Variants in CDYL2 observed in about 807,000 individuals in gnomAD.
The protein encoded by CDYL2 is chromodomain Y-like protein 2.
In CDYL2, 23 loss-of-function variants were observed where a neutral mutation model predicts 49.4. The ratio of observed to expected loss-of-function variants is 0.47; its 90% CI spans 0.34 to 0.66. The LOEUF is 0.66. CDYL2 is among the 30% of genes least tolerant of loss of function. The pLI is 0.01. For missense variants in CDYL2, 678 were observed against 656.4 expected (o/e 1.03, Z -0.36); for synonymous variants, 360 against 268.8 (o/e 1.34, Z -3.32).
chr16:80,746,551 C>T (rs1203502348), intron 1 of CDYL2, among the ~76,000 whole-genome samples: 1 of 152,122 alleles, frequency 6.6e-6, no homozygotes, highest in Non-Finnish European at 1.5e-5. Context: ...GAAAAGTAAC[C>T]CCAAGAATGT....
intron 4 of CDYL2, among the ~76,000 whole-genome samples, chr16:80,619,622 G>C (rs1226046812): frequency 6.6e-6 from 1 of 152,218 alleles, no homozygotes; most frequent in Non-Finnish European, 1.5e-5. Context: ...AGAGGGCATA[G>C]CTGGGACCAC....
At position 80,638,896 on chromosome 16, in the gene CDYL2, A is replaced by AG. The variant is rs201861983; in HGVS notation, c.617-5661dup. Among the ~76,000 whole-genome samples the AG allele has an allele frequency of 1.0e-3, 159 of 152,272 alleles. 1 individual carries two copies. The East Asian group carries it at 0.029, about 28-fold the overall frequency. Reference sequence around the variant, plus strand: ...TAAAGCTCCTAGAGGATAGTACAGGAGAAACCCTAGGGAACTTGGGTTTGC... The same window carrying AG: ...TAAAGCTCCTAGAGGATAGTACAGGAGGAAACCCTAGGGAACTTGGGTTTGC... On this transcript the variant is annotated intron_variant, in intron 2 of 6. Transcript: ENST00000570137.
intron 2 of CDYL2, among the ~76,000 whole-genome samples, chr16:80,652,883 A>G (rs1475872988): frequency 6.6e-6 from 1 of 152,188 alleles, no homozygotes; most frequent in Non-Finnish European, 1.5e-5. Flanking sequence ...TACGACCATA[A>G]AAAGAAGGAA....
At chr16:80,745,261 T>C (rs1035833545) in intron 1 of CDYL2, among the ~76,000 whole-genome samples, 3 of 152,116 alleles carry the variant, frequency 2.0e-5, no homozygotes, top group Admixed American at 6.5e-5. Context: ...CCATGTGCTG[T>C]CCATGACACC....
At chr16:80,734,036 C>G (rs1381697162) in intron 1 of CDYL2, among the ~76,000 whole-genome samples, 2 of 152,238 alleles carry the variant, frequency 1.3e-5, no homozygotes, top group South Asian at 4.1e-4. Context: ...ATTAAGGTAA[C>G]AGATTAGAAA....
chr16:80,724,487 A>T (rs1444030679), intron 1 of CDYL2, among the ~76,000 whole-genome samples: 1 of 152,128 alleles, frequency 6.6e-6, no homozygotes, highest in African/African-American at 2.4e-5. Flanking sequence ...CAGCATGAAG[A>T]TCCTGACTCC....
At chr16:80,765,757 TG>T (rs1327613205) in intron 1 of CDYL2, among the ~76,000 whole-genome samples, 1 of 97,950 alleles carries the variant, frequency 1.0e-5, no homozygotes, top group Non-Finnish European at 2.1e-5. Flanking sequence ...AAAAAGGGAA[TG>T]GGGGCTGTGG....
At chr16:80,710,408 G>A (rs898084199) in intron 1 of CDYL2, among the ~76,000 whole-genome samples, 10 of 152,054 alleles carry the variant, frequency 6.6e-5, no homozygotes, top group African/African-American at 2.4e-5. Context: ...CAAGTAATTC[G>A]ACAGAATTTA....
intron 2 of CDYL2, chr16:80,671,010 C>A (rs937833147): frequency 2.2e-6 from 1 of 455,890 alleles, no homozygotes; most frequent in African/African-American, 2.0e-5. Flanking sequence ...TTCTCCTCTT[C>A]TAACCAGTCT....
intron 1 of CDYL2, among the ~76,000 whole-genome samples, chr16:80,705,140 T>C (rs547955919): frequency 6.6e-6 from 1 of 152,346 alleles, no homozygotes; most frequent in East Asian, 1.9e-4. Flanking sequence ...CAGATCCGAA[T>C]GCCCACCAGG....
intron 2 of CDYL2, among the ~76,000 whole-genome samples, chr16:80,643,764 C>T (rs571570918): frequency 6.6e-6 from 1 of 152,340 alleles, no homozygotes; most frequent in East Asian, 1.9e-4. Flanking sequence ...GGACACAGGG[C>T]ACCAAGTCCC....
chr16:80,617,369 T>C (rs959716262), intron 4 of CDYL2, among the ~76,000 whole-genome samples: 3 of 152,284 alleles, frequency 2.0e-5, no homozygotes, highest in Admixed American at 1.3e-4. Flanking sequence ...CCCTGCTAGA[T>C]TTTGAAGGAA....
At chr16:80,779,263 A>T (rs1388145598) in intron 1 of CDYL2, among the ~76,000 whole-genome samples, 1 of 152,128 alleles carries the variant, frequency 6.6e-6, no homozygotes, top group Non-Finnish European at 1.5e-5. Flanking sequence ...TTGTTAATGT[A>T]TGTGACAGAC....
intron 1 of CDYL2, among the ~76,000 whole-genome samples, chr16:80,728,279 C>G (rs1445137928): frequency 6.6e-6 from 1 of 152,002 alleles, no homozygotes; most frequent in East Asian, 1.9e-4. Flanking sequence ...AAAGCCAAAG[C>G]TCGAGAACTA....
intron 1 of CDYL2, among the ~76,000 whole-genome samples, chr16:80,748,963 T>G (rs1485444949): frequency 1.3e-5 from 2 of 152,206 alleles, no homozygotes; most frequent in Non-Finnish European, 2.9e-5. Flanking sequence ...GGTTGAATAT[T>G]ACCATCGAGA....
intron 1 of CDYL2, among the ~76,000 whole-genome samples, chr16:80,749,098 T>G (rs1478055501): frequency 6.6e-6 from 1 of 152,118 alleles, no homozygotes; most frequent in Non-Finnish European, 1.5e-5. Context: ...TAAAGAAACT[T>G]GACCAAAATA....
At chr16:80,639,024 T>C (rs1399783338) in intron 2 of CDYL2, among the ~76,000 whole-genome samples, 3 of 150,970 alleles carry the variant, frequency 2.0e-5, no homozygotes, top group African/African-American at 7.4e-5. Context: ...ATTTCAATAA[T>C]TTTAAAATGG....
At chr16:80,663,784 G>A (rs1186586092) in intron 2 of CDYL2, among the ~76,000 whole-genome samples, 2 of 152,086 alleles carry the variant, frequency 1.3e-5, no homozygotes, top group Non-Finnish European at 2.9e-5. Context: ...GTAGAGACAG[G>A]GTTTCACCAT....
At chr16:80,712,780 G>C (rs1347214151) in intron 1 of CDYL2, among the ~76,000 whole-genome samples, 3 of 152,170 alleles carry the variant, frequency 2.0e-5, no homozygotes, top group Non-Finnish European at 4.4e-5. Flanking sequence ...GTGTCCCAAT[G>C]CCATCAGACA....
Sources: gnomAD v4.1 joint callset for allele counts (sites outside exome capture counted in the v4.1 genomes callset) on GRCh38, gnomAD v4.1.1 for gene constraint, MANE v1.5 for transcripts, NCBI Gene and HGNC (gene_info 2026-07-23, HGNC 2026-07-21) for gene names.